The following NAV3 variants were observed in gnomAD, a reference collection of about 807,000 sequenced individuals.
NAV3 encodes the protein neuron navigator 3, also known as pore membrane and/or filament interacting like protein 1.
NAV3 carries 87 observed loss-of-function variants against 244.7 expected under a neutral mutation model. The ratio of observed to expected loss-of-function variants is 0.36; its 90% CI spans 0.30 to 0.42. NAV3 has a LOEUF of 0.42. Among genes scored for constraint, NAV3 ranks in the 20% least tolerant of loss-of-function variants. NAV3 has a pLI of 1.00. For missense variants in NAV3, 2,663 were observed against 2,893.3 expected (o/e 0.92, Z 1.83); for synonymous variants, 1,126 against 1,042.2 (o/e 1.08, Z -1.55).
At chr12:77,915,025 T>G (rs1308906168) in intron 1 of NAV3, among the ~76,000 whole-genome samples, 2 of 152,030 alleles carry the variant, frequency 1.3e-5, no homozygotes, top group African/African-American at 4.8e-5. Context: ...ATGTTGCATC[T>G]TTTGGATTCT....
chr12:77,666,802 T>C (rs1463501704), intron 2 of NAV3, among the ~76,000 whole-genome samples: 7 of 152,192 alleles, frequency 4.6e-5, no homozygotes, highest in Non-Finnish European at 8.8e-5. Context: ...ATCATACTTC[T>C]ATTGAGTATT....
Position 77,682,502 on chromosome 12 carries a change from C to T in NAV3, c.72+110236C>T, listed in dbSNP as rs140412790. Among the ~76,000 whole-genome samples, 1,027 of 152,168 alleles carry T rather than the reference C, an allele frequency of 6.7e-3. 6 individuals carry two copies. Among genetic ancestry groups the T allele is most frequent in the Admixed American group, 0.015 (223 of 15,276 alleles). The stretch of plus-strand genomic sequence containing the variant: ...TCTCTTCCACATACTGATTTCATTT[C>T]CTTTGGGTATATATCCAGTAATAGA... On this transcript the variant is annotated intron_variant, in intron 2 of 8. Coordinates refer to the NAV3 transcript ENST00000550042.
At chr12:77,657,724 C>T (rs1005868023) in intron 2 of NAV3, among the ~76,000 whole-genome samples, 1 of 152,180 alleles carries the variant, frequency 6.6e-6, no homozygotes, top group Non-Finnish European at 1.5e-5. Flanking sequence ...TACTGGCAAA[C>T]TGAATCCAGC....
chr12:78,039,031 T>C (rs1047052406), intron 9 of NAV3, among the ~76,000 whole-genome samples: 1 of 152,070 alleles, frequency 6.6e-6, no homozygotes, highest in African/African-American at 2.4e-5. Flanking sequence ...CTGCTTATTG[T>C]ATTTATATGA....
At chr12:78,154,286 CT>C (rs1957200369) in intron 22 of NAV3, among the ~76,000 whole-genome samples, 2 of 117,612 alleles carry the variant, frequency 1.7e-5, no homozygotes, top group African/African-American at 3.1e-5. Flanking sequence ...ACTATATATA[CT>C]ACTATATATT....
chr12:78,107,436 A>T (rs545617728), intron 12 of NAV3, among the ~76,000 whole-genome samples: 3 of 152,330 alleles, frequency 2.0e-5, no homozygotes, highest in Admixed American at 2.0e-4. Flanking sequence ...GGTCTTATAC[A>T]CAGCACATTA....
chr12:77,573,160 C>T (rs1475314927), intron 2 of NAV3, among the ~76,000 whole-genome samples: 1 of 152,076 alleles, frequency 6.6e-6, no homozygotes, highest in East Asian at 1.9e-4. Flanking sequence ...ATCTAAGGGC[C>T]ATAATTAAGC....
intron 3 of NAV3, among the ~76,000 whole-genome samples, chr12:77,942,155 C>T (rs1889930103): frequency 6.6e-6 from 1 of 152,144 alleles, no homozygotes; most frequent in Non-Finnish European, 1.5e-5. Flanking sequence ...GGTGGATGAC[C>T]TGAGGTCGGG....
chr12:77,973,501 A>G (rs1893179990), intron 5 of NAV3, among the ~76,000 whole-genome samples: 1 of 152,204 alleles, frequency 6.6e-6, no homozygotes, highest in South Asian at 2.1e-4. Context: ...AGGATTCACA[A>G]GTTAAACTGT....
intron 2 of NAV3, among the ~76,000 whole-genome samples, chr12:77,688,530 G>A (rs905239638): frequency 1.3e-5 from 2 of 152,018 alleles, no homozygotes; most frequent in Non-Finnish European, 2.9e-5. Flanking sequence ...TTGTTCAACT[G>A]ATTTTGGTTG....
intron 2 of NAV3, among the ~76,000 whole-genome samples, chr12:77,820,172 G>A (rs17044294): frequency 4.5e-4 from 69 of 152,118 alleles, no homozygotes; most frequent in African/African-American, 1.6e-3. Flanking sequence ...AAGGGTTTAC[G>A]TAGACTTTTT....
At chr12:77,838,236 C>T (rs957518999) in intron 1 of NAV3, among the ~76,000 whole-genome samples, 22 of 152,136 alleles carry the variant, frequency 1.4e-4, no homozygotes, top group African/African-American at 4.3e-4. Context: ...TAACAATGGT[C>T]GGAGAATGTT....
chr12:77,873,752 AT>A (rs1881405311), intron 1 of NAV3, among the ~76,000 whole-genome samples: 9 of 101,372 alleles, frequency 8.9e-5, no homozygotes, highest in East Asian at 3.2e-4. Context: ...GTGTATATAT[AT>A]ATATATATAT....
intron 2 of NAV3, among the ~76,000 whole-genome samples, chr12:77,778,164 TCC>T (rs1870468783): frequency 1.3e-4 from 4 of 29,698 alleles, no homozygotes; most frequent in African/African-American, 5.2e-4. Flanking sequence ...TCCCCTCCCC[TCC>T]CCTCCTCTGC....
chr12:78,064,940 C>T (rs1884832734), intron 12 of NAV3, among the ~76,000 whole-genome samples: 1 of 152,052 alleles, frequency 6.6e-6, no homozygotes, highest in Non-Finnish European at 1.5e-5. Flanking sequence ...AGTCTGGACT[C>T]TTATGAGAAG....
intron 23 of NAV3, among the ~76,000 whole-genome samples, chr12:78,164,129 A>C (rs12302431): frequency 0.015 from 2,230 of 152,224 alleles, 60 homozygotes; most frequent in African/African-American, 0.051. Flanking sequence ...GTTCAAATTT[A>C]CTAAAGCTAT....
intron 2 of NAV3, among the ~76,000 whole-genome samples, chr12:77,785,515 AC>A (rs1870865611): frequency 6.6e-6 from 1 of 152,168 alleles, no homozygotes. Context: ...AAAGGGACAA[AC>A]AAAAAAGTAA....
At chr12:78,058,942 T>C in intron 11 of NAV3, 54 bp from the exon 12 acceptor site, 1 of 1,473,072 alleles carries the variant, frequency 6.8e-7, no homozygotes, top group Non-Finnish European at 9.0e-7. Context: ...TAAGTTAAAT[T>C]GTACAGTTGA....
At chr12:77,749,292 G>A (rs561363697) in intron 2 of NAV3, among the ~76,000 whole-genome samples, 1 of 152,300 alleles carries the variant, frequency 6.6e-6, no homozygotes, top group South Asian at 2.1e-4. Flanking sequence ...CATTTCTAAC[G>A]ATTCTGTTAC....
Sources: gnomAD v4.1 joint callset for allele counts (sites outside exome capture counted in the v4.1 genomes callset) on GRCh38, gnomAD v4.1.1 for gene constraint, MANE v1.5 for transcripts, NCBI Gene and HGNC (gene_info 2026-07-23, HGNC 2026-07-21) for gene names.